Variants in FTO observed in about 807,000 individuals in gnomAD.
The protein encoded by FTO is FTO alpha-ketoglutarate dependent dioxygenase, also known as alpha-ketoglutarate-dependent dioxygenase FTO.
FTO carries 47 observed loss-of-function variants against 63.9 expected under a neutral mutation model. That is an observed-to-expected ratio of 0.74 (90% CI 0.58 to 0.94). The LOEUF is 0.94. Among genes scored for constraint, FTO ranks in the 40% least tolerant of loss-of-function variants. The probability of loss-of-function intolerance (pLI) is 0.00; values close to 1 mark genes in which losing one functional copy is unlikely to be tolerated. For synonymous variants in FTO, 207 were observed against 224.4 expected (o/e 0.92, Z 0.69); for missense variants, 562 against 618.1 (o/e 0.91, Z 0.96).
Position 53,852,101 on chromosome 16 carries a change from C to CAAAAA in FTO, c.895+7818_895+7822dup, listed in dbSNP as rs57004473. On this transcript the variant is annotated intron_variant, in intron 4 of 8. Transcript: ENST00000471389. ...CAAAACTCTGTCTCTACAAAAAATA[C>CAAAAA]AAAAAAAAAAAAAAAAAAAGCCAGG... 7.9e-4 allele frequency among the ~76,000 whole-genome samples: 43 copies of CAAAAA among 54,436 alleles called. 1 individual carries two copies. Among genetic ancestry groups the CAAAAA allele is most frequent in the East Asian group, 6.1e-3 (11 of 1,804 alleles). 35.7% of individuals were successfully genotyped at this position (54,436 alleles called of 152,430 possible).
intron 8 of FTO, among the ~76,000 whole-genome samples, chr16:54,028,582 CAT>C (rs2084766067): frequency 6.6e-6 from 1 of 152,170 alleles, no homozygotes; most frequent in Admixed American, 6.5e-5. Context: ...CAACTCTTTC[CAT>C]GTCACTAAAA....
Position 54,102,928 on chromosome 16 carries a change from G to T in FTO, c.1365-8834G>T, listed in dbSNP as rs147848406. ...GACCCTTTGAGAGGCCAAGGCAGGA[G>T]GATCACTTGAGCCCAGGAGTTTGAG... On this transcript the variant is annotated intron_variant, in intron 8 of 8. Coordinates refer to ENST00000471389, the MANE Select transcript of FTO (RefSeq NM_001080432.3). 1.4e-4 allele frequency among the ~76,000 whole-genome samples: 22 copies of T among 152,266 alleles called. No homozygotes were observed. The East Asian group carries it at 3.9e-3, about 27-fold the overall frequency.
At chr16:53,852,338 C>G (rs2079833886) in intron 4 of FTO, among the ~76,000 whole-genome samples, 1 of 152,132 alleles carries the variant, frequency 6.6e-6, no homozygotes, top group Admixed American at 6.6e-5. Context: ...CTACCTCTCA[C>G]TCTTGCCAAA....
chr16:53,821,405 A>G (rs1356227435), intron 2 of FTO, among the ~76,000 whole-genome samples: 3 of 152,202 alleles, frequency 2.0e-5, no homozygotes, highest in African/African-American at 7.2e-5. Flanking sequence ...TAGTGATAGA[A>G]TTAGAGTTGC....
rs1269429951 is a variant in FTO at position 54,117,419 on chromosome 16, GC to G, written c.*5506del. The G allele has an allele frequency of 6.6e-6, 1 of 152,154 alleles. No homozygotes were observed. The highest frequency in any genetic ancestry group is 1.5e-5 in the Non-Finnish European group (1 of 68,036). The allele number at this position is 152,154 out of a possible 1,614,324, so 9.4% of individuals were successfully genotyped here. A position where few individuals can be genotyped will look rare whatever the true frequency, so the allele number is the denominator to read the frequency against. ...TTTCTATAATGGGGATGATGATAAT[GC>G]CTAGCTCATTGGATTGTTCTGTCCC... On this transcript the variant is annotated 3_prime_UTR_variant, in exon 9 of 9. Transcript: ENST00000471389.
At chr16:54,105,986 C>G (rs1323965898) in intron 8 of FTO, among the ~76,000 whole-genome samples, 2 of 152,118 alleles carry the variant, frequency 1.3e-5, no homozygotes, top group East Asian at 3.8e-4. Flanking sequence ...CAGCACATTA[C>G]TGTAAAACCT....
intron 8 of FTO, among the ~76,000 whole-genome samples, chr16:54,029,976 A>G (rs2084792836): frequency 6.6e-6 from 1 of 152,212 alleles, no homozygotes; most frequent in African/African-American, 2.4e-5. Context: ...TCGTAAATCT[A>G]TATAATTCAA....
At chr16:53,911,308 G>A (rs1212460703) in intron 7 of FTO, 24 of 696,600 alleles carry the variant, frequency 3.4e-5, no homozygotes, top group Middle Eastern at 2.3e-4. Context: ...AAGGACAGGC[G>A]CAGAACAGTC....
At chr16:54,079,673 A>G (rs1015471999) in intron 8 of FTO, among the ~76,000 whole-genome samples, 11 of 152,188 alleles carry the variant, frequency 7.2e-5, no homozygotes, top group African/African-American at 2.7e-4. Flanking sequence ...GGACCTGGTG[A>G]TAAATAGGAA....
At chr16:53,874,443 A>G (rs1043332622) in intron 5 of FTO, among the ~76,000 whole-genome samples, 1 of 152,230 alleles carries the variant, frequency 6.6e-6, no homozygotes, top group African/African-American at 2.4e-5. Context: ...GAAAACTAAG[A>G]AATGAGAAAA....
intron 2 of FTO, among the ~76,000 whole-genome samples, chr16:53,825,500 G>A (rs998224396): frequency 1.3e-5 from 2 of 152,162 alleles, no homozygotes; most frequent in Admixed American, 6.5e-5. Flanking sequence ...TACCTGGTAC[G>A]TAGTAAGCAC....
intron 8 of FTO, among the ~76,000 whole-genome samples, chr16:53,940,681 G>A (rs2082508098): frequency 6.6e-6 from 1 of 152,168 alleles, no homozygotes; most frequent in Admixed American, 6.5e-5. Context: ...CTTAAAAATG[G>A]TGCTGAGATT....
intron 8 of FTO, among the ~76,000 whole-genome samples, chr16:54,009,960 A>G (rs2084299450): frequency 1.3e-5 from 2 of 152,206 alleles, no homozygotes; most frequent in South Asian, 4.1e-4. Flanking sequence ...ATAAACTTAC[A>G]TAGCAATGAG....
intron 8 of FTO, among the ~76,000 whole-genome samples, chr16:54,092,242 C>T (rs2086403607): frequency 2.0e-5 from 3 of 152,150 alleles, no homozygotes; most frequent in Admixed American, 2.0e-4. Flanking sequence ...ATGATTGTGC[C>T]ACTGGACTCC....
chr16:53,710,249 T>G (rs931910120), intron 1 of FTO, among the ~76,000 whole-genome samples: 30 of 151,216 alleles, frequency 2.0e-4, no homozygotes, highest in African/African-American at 7.3e-4. Context: ...TTCCTTATGA[T>G]TAGATTCAGA....
chr16:54,058,194 C>T (rs1403713715), intron 8 of FTO, among the ~76,000 whole-genome samples: 6 of 152,064 alleles, frequency 3.9e-5, no homozygotes, highest in African/African-American at 9.7e-5. Context: ...CTGAAACCTC[C>T]GCCGCCTCCA....
At chr16:53,813,410 C>A (rs1047835197) in intron 2 of FTO, among the ~76,000 whole-genome samples, 2 of 152,038 alleles carry the variant, frequency 1.3e-5, no homozygotes, top group African/African-American at 4.8e-5. Flanking sequence ...TGGGGTTTCA[C>A]CATGTTGGCC....
intron 8 of FTO, among the ~76,000 whole-genome samples, chr16:54,086,114 C>T (rs79754071): frequency 0.013 from 2,051 of 152,206 alleles, 50 homozygotes; most frequent in African/African-American, 0.046. Context: ...ATCATAAATA[C>T]CTGAGAAATC....
At chr16:54,017,490 C>A (rs1251822180) in intron 8 of FTO, among the ~76,000 whole-genome samples, 3 of 152,206 alleles carry the variant, frequency 2.0e-5, no homozygotes, top group Admixed American at 1.3e-4. Context: ...CAGTGCCTTC[C>A]AGCCCCCACC....
Sources: allele counts gnomAD v4.1 joint callset (sites outside exome capture counted in the v4.1 genomes callset), GRCh38; gene constraint gnomAD v4.1.1; transcripts MANE v1.5; gene names NCBI Gene and HGNC (gene_info 2026-07-23, HGNC 2026-07-21).